The following NEDD8 variants were observed in gnomAD, a reference collection of about 807,000 sequenced individuals.
The protein encoded by NEDD8 is ubiquitin-like protein NEDD8.
NEDD8 carries 1 observed loss-of-function variant against 13.8 expected under a neutral mutation model. The observed-to-expected ratio is 0.07, with a 90% CI of 0.03 to 0.34. The LOEUF (loss-of-function observed/expected upper bound fraction) is 0.34, where lower values mean the gene tolerates loss of function less well. NEDD8 is among the 10% of genes least tolerant of loss of function. The pLI is 0.99. For synonymous variants in NEDD8, 31 were observed against 33.2 expected, an observed-to-expected ratio of 0.93 and a Z score of 0.23; for missense variants, 10 against 95.2, an observed-to-expected ratio of 0.10 and a Z score of 3.73.
rs2040051966 is a variant in NEDD8, at chr14:24,232,144, T to A, written c.18+106A>T. The A allele has an allele frequency of 7.6e-6, 12 of 1,571,844 alleles. No homozygotes were observed. In the African/African-American group the frequency reaches 1.1e-4, roughly 14 times the overall value. Reference sequence around the variant, plus strand: ...GCGCGGAGCCCTGAGGCAGTCAGCGTCCTCCAGGCTAGGGAAAGGCGTGGT... The same window carrying A: ...GCGCGGAGCCCTGAGGCAGTCAGCGACCTCCAGGCTAGGGAAAGGCGTGGT... On this transcript the variant is annotated intron_variant, in intron 1 of 3. Coordinates refer to ENST00000250495, the MANE Select transcript of NEDD8 (RefSeq NM_006156.3).
At chr14:24,226,239 C>A (rs2039888450) in intron 1 of NEDD8, among the ~76,000 whole-genome samples, 1 of 151,962 alleles carries the variant, frequency 6.6e-6, no homozygotes. Flanking sequence ...CGCTTGTAAT[C>A]CCAGCAGTTT....
intron 1 of NEDD8, chr14:24,227,216 C>T (rs2039903978): frequency 6.6e-6 from 1 of 152,144 alleles, no homozygotes; most frequent in South Asian, 2.1e-4. Flanking sequence ...GAACTAAACC[C>T]TTAAGAACTG....
At chr14:24,225,111 G>C (rs1421178372) in intron 1 of NEDD8, among the ~76,000 whole-genome samples, 2 of 149,416 alleles carry the variant, frequency 1.3e-5, no homozygotes, top group African/African-American at 4.9e-5. Context: ...AGAAGTTGCA[G>C]TAGTGAGCCA....
chr14:24,231,268 C>T (rs746295115), intron 1 of NEDD8, among the ~76,000 whole-genome samples: 3 of 151,822 alleles, frequency 2.0e-5, no homozygotes, highest in Non-Finnish European at 4.4e-5. Flanking sequence ...GGCCGCTACT[C>T]AACGTTAAAA....
chr14:24,220,583 A>G (rs761586918), intron 1 of NEDD8, among the ~76,000 whole-genome samples: 1 of 152,188 alleles, frequency 6.6e-6, no homozygotes, highest in Non-Finnish European at 1.5e-5. Flanking sequence ...CGGCCTCCCA[A>G]AGAGCTGGGA....
rs530135804 is a variant in NEDD8 at position 24,226,040 on chromosome 14, A to G, written c.18+6210T>C. Among the ~76,000 whole-genome samples, 58 of 127,746 alleles carry G rather than the reference A, an allele frequency of 4.5e-4. 1 individual carries two copies. In the South Asian group the frequency reaches 0.014, roughly 31 times the overall value. 83.8% of individuals were successfully genotyped at this position (127,746 alleles called of 152,430 possible). On this transcript the variant is annotated intron_variant, in intron 1 of 3. Transcript: ENST00000250495. ...GGTGACAGAGTGAGACTCCATCTCC[A>G]AAAAAAAAAAAAAGATGAACCTAAA...
chr14:24,222,029 T>C (rs764470297), intron 1 of NEDD8, among the ~76,000 whole-genome samples: 23 of 152,208 alleles, frequency 1.5e-4, no homozygotes, highest in Admixed American at 3.3e-4. Flanking sequence ...AGCTGGCCCT[T>C]TGTTTCTGAA....
At chr14:24,217,270 GTT>G in intron 3 of NEDD8, 47 bp from the exon 4 acceptor site, 1 of 1,461,392 alleles carries the variant, frequency 6.8e-7, no homozygotes, top group South Asian at 1.2e-5. Flanking sequence ...AGACTTAGGA[GTT>G]TTTTGTTGTT....
chr14:24,222,986 T>C (rs2039831174), intron 1 of NEDD8, among the ~76,000 whole-genome samples: 1 of 145,470 alleles, frequency 6.9e-6, no homozygotes, highest in African/African-American at 2.6e-5. Flanking sequence ...CTGGGGAGGC[T>C]GAGGCAGGAG....
intron 1 of NEDD8, chr14:24,231,921 G>T (rs2040039664): frequency 9.1e-6 from 3 of 331,014 alleles, no homozygotes; most frequent in African/African-American, 6.4e-5. Flanking sequence ...AGAGACGGGG[G>T]AGTCAAGCCG....
intron 1 of NEDD8, among the ~76,000 whole-genome samples, chr14:24,221,757 C>G (rs889620386): frequency 2.0e-5 from 3 of 151,926 alleles, no homozygotes; most frequent in African/African-American, 7.3e-5. Context: ...ACCACCACAC[C>G]TGGCTAATTT....
rs1053841758 is a variant in NEDD8, at chr14:24,219,476, A to G, written c.19-1045T>C. Among the ~76,000 whole-genome samples the G allele has an allele frequency of 6.3e-5, 3 of 47,724 alleles. No individual in the cohort carries two copies. In the Admixed American group the frequency reaches 9.5e-4, roughly 15 times the overall value. The allele number at this position is 47,724 out of a possible 152,430, so 31.3% of individuals were successfully genotyped here. On this transcript the variant is annotated intron_variant, in intron 1 of 3. Coordinates refer to ENST00000250495, the MANE Select transcript of NEDD8 (RefSeq NM_006156.3). ...ACTCCAGCCTGGGCAACACCCTCGC[A>G]AAAAAAAAAAAAAAAAAAAAAAAAA...
intron 1 of NEDD8, 77 bp downstream of exon 1, chr14:24,232,173 C>T: frequency 6.2e-7 from 1 of 1,607,348 alleles, no homozygotes; most frequent in Non-Finnish European, 8.5e-7. Flanking sequence ...GCGTGGTTTT[C>T]CTTCCCCACG....
At chr14:24,227,468 T>C (rs1283463950) in intron 1 of NEDD8, 1 of 152,074 alleles carries the variant, frequency 6.6e-6, no homozygotes, top group African/African-American at 2.4e-5. Flanking sequence ...TACAGAGACA[T>C]AAACATATAA....
rs61998487 is a variant in NEDD8 at position 24,229,846 on chromosome 14, G to A, written c.18+2404C>T. On this transcript the variant is annotated intron_variant, in intron 1 of 3. Coordinates refer to ENST00000250495, the MANE Select transcript of NEDD8 (RefSeq NM_006156.3). The stretch of plus-strand genomic sequence containing the variant: ...ATCTCAACACTTTAGGCGGAGGTGA[G>A]CGGATCACTAGGTCAAGAGATCGAT... 2.0e-3 allele frequency among the ~76,000 whole-genome samples: 310 copies of A among 152,232 alleles called. 1 individual carries two copies. Among genetic ancestry groups the A allele is most frequent in the African/African-American group, 7.2e-3 (301 of 41,554 alleles).
intron 3 of NEDD8, 152 bp from the exon 4 acceptor site, chr14:24,217,375 C>T (rs2039724561): frequency 1.6e-6 from 1 of 633,624 alleles, no homozygotes; most frequent in East Asian, 2.9e-5. Flanking sequence ...CTGCAACTTC[C>T]ACCTCCTGGG....
At chr14:24,231,056 AT>A (rs1350913051) in intron 1 of NEDD8, among the ~76,000 whole-genome samples, 1 of 151,876 alleles carries the variant, frequency 6.6e-6, no homozygotes, top group Non-Finnish European at 1.5e-5. Flanking sequence ...CCCTTGGCTA[AT>A]TTTTTGAATT....
chr14:24,217,274 T>TG, intron 3 of NEDD8, 51 bp from the exon 4 acceptor site: 1 of 1,205,996 alleles, frequency 8.3e-7, no homozygotes. Context: ...TTAGGAGTTT[T>TG]TTGTTGTTGT....
At chr14:24,227,175 C>A (rs1324136818) in intron 1 of NEDD8, 1 of 152,194 alleles carries the variant, frequency 6.6e-6, no homozygotes, top group Non-Finnish European at 1.5e-5. Context: ...TTTGTAATTA[C>A]ATGAACGTAT....
Sources: gnomAD v4.1 joint callset for allele counts (sites outside exome capture counted in the v4.1 genomes callset) on GRCh38, gnomAD v4.1.1 for gene constraint, MANE v1.5 for transcripts, NCBI Gene and HGNC (gene_info 2026-07-23, HGNC 2026-07-21) for gene names.